The following NFIB variants were observed in gnomAD, a reference collection of about 807,000 sequenced individuals.
NFIB encodes the protein nuclear factor 1 B-type.
In NFIB, 11 loss-of-function variants were observed where a neutral mutation model predicts 61.5. That is an observed-to-expected ratio of 0.18 (90% CI 0.11 to 0.30). The LOEUF (loss-of-function observed/expected upper bound fraction) is 0.30, where lower values mean the gene tolerates loss of function less well. Among genes scored for constraint, NFIB ranks in the 10% least tolerant of loss-of-function variants. NFIB has a pLI of 1.00. For missense variants in NFIB, 471 were observed against 608.9 expected (o/e 0.77, Z 2.38); for synonymous variants, 260 against 216.5 (o/e 1.20, Z -1.76).
chr9:14,141,190 T>C (rs988965036), intron 6 of NFIB, among the ~76,000 whole-genome samples: 1 of 152,112 alleles, frequency 6.6e-6, no homozygotes, highest in African/African-American at 2.4e-5. Context: ...TTATCAAAAA[T>C]AAATCTCTAG....
At chr9:14,345,646 C>T (rs1027857918) in intron 1 of NFIB, among the ~76,000 whole-genome samples, 5 of 152,122 alleles carry the variant, frequency 3.3e-5, no homozygotes, top group African/African-American at 1.2e-4. Context: ...GAGCGGGCAG[C>T]GGCTAGCTCT....
intron 8 of NFIB, among the ~76,000 whole-genome samples, chr9:14,119,893 CA>C (rs1044979866): frequency 2.6e-5 from 4 of 151,270 alleles, no homozygotes; most frequent in African/African-American, 9.7e-5. Context: ...ACAATGTTTC[CA>C]AAAAAAAGAA....
At position 14,220,855 on chromosome 9, in the gene NFIB, A is replaced by C. The variant is rs1277640991; in HGVS notation, c.563-41075T>G. ...AATCAATCTCCCTACACACACACAC[A>C]CACACACACACACACACACACACAC... On this transcript the variant is annotated intron_variant, in intron 2 of 10. Coordinates refer to ENST00000380953, the MANE Select transcript of NFIB (RefSeq NM_001190737.2). Among the ~76,000 whole-genome samples, 4 of 149,498 alleles carry C rather than the reference A, an allele frequency of 2.7e-5. No individual in the cohort carries two copies. In the East Asian group the frequency reaches 6.2e-4, roughly 23 times the overall value.
intron 2 of NFIB, among the ~76,000 whole-genome samples, chr9:14,227,252 T>A (rs2052549601): frequency 6.6e-6 from 1 of 152,214 alleles, no homozygotes; most frequent in Admixed American, 6.5e-5. Context: ...GTTGAAAGAT[T>A]TCTGCCACCT....
chr9:14,335,444 C>T (rs1014364319), intron 1 of NFIB, among the ~76,000 whole-genome samples: 3 of 152,154 alleles, frequency 2.0e-5, no homozygotes, highest in African/African-American at 7.2e-5. Context: ...TAAATAATAG[C>T]GTTGAACATC....
chr9:14,308,315 G>T (rs987626179), intron 1 of NFIB, among the ~76,000 whole-genome samples: 1 of 143,940 alleles, frequency 6.9e-6, no homozygotes. Flanking sequence ...CACTACCAAC[G>T]CCAGCTCCCA....
At chr9:14,304,465 A>C (rs1464985006) in intron 2 of NFIB, among the ~76,000 whole-genome samples, 2 of 152,242 alleles carry the variant, frequency 1.3e-5, no homozygotes, top group African/African-American at 4.8e-5. Flanking sequence ...CCAACTAACA[A>C]ATCACAGGCA....
intron 4 of NFIB, among the ~76,000 whole-genome samples, chr9:14,150,555 C>T (rs150510322): frequency 6.6e-6 from 1 of 152,214 alleles, no homozygotes; most frequent in African/African-American, 2.4e-5. Flanking sequence ...GTTGACATTA[C>T]ATCTGTCACT....
At position 14,123,853 on chromosome 9, in the gene NFIB, CT is replaced by C. The variant is rs200619073; in HGVS notation, c.1060+1778del. Among the ~76,000 whole-genome samples, 1,010 of 152,106 alleles carry C rather than the reference CT, an allele frequency of 6.6e-3. 11 individuals are homozygous for C. Among genetic ancestry groups the C allele is most frequent in the Middle Eastern group, 0.041 (12 of 294 alleles). Reference sequence around the variant, plus strand: ...TGCCCCTCTGCCTCCCACATTGCCCCTCTTCCTCCTAGTATGTCCCTCTGCC... The same window carrying C: ...TGCCCCTCTGCCTCCCACATTGCCCCCTTCCTCCTAGTATGTCCCTCTGCC... On this transcript the variant is annotated intron_variant, in intron 7 of 10. Coordinates refer to ENST00000380953, the MANE Select transcript of NFIB (RefSeq NM_001190737.2).
At chr9:14,333,300 C>T (rs763442258) in intron 1 of NFIB, among the ~76,000 whole-genome samples, 2 of 152,082 alleles carry the variant, frequency 1.3e-5, no homozygotes, top group Admixed American at 6.5e-5. Flanking sequence ...AATAAATCAC[C>T]CAAGGTCAAT....
chr9:14,097,737 G>C (rs947110236), intron 10 of NFIB, among the ~76,000 whole-genome samples: 20 of 151,954 alleles, frequency 1.3e-4, no homozygotes, highest in African/African-American at 4.4e-4. Context: ...TCATTCTTTT[G>C]AGAGCATACA....
intron 2 of NFIB, among the ~76,000 whole-genome samples, chr9:14,211,734 G>A (rs2050326863): frequency 6.6e-6 from 1 of 152,192 alleles, no homozygotes; most frequent in African/African-American, 2.4e-5. Flanking sequence ...CAGCTGGTGG[G>A]CCCCTCCACG....
At chr9:14,117,479 G>A (rs1246225544) in intron 8 of NFIB, among the ~76,000 whole-genome samples, 5 of 151,236 alleles carry the variant, frequency 3.3e-5, no homozygotes, top group African/African-American at 1.2e-4. Context: ...TTTATAATCT[G>A]AACTGTTAAA....
rs114465475 is a variant in NFIB, at chr9:14,260,305, T to C, written c.562+46684A>G. ...CTGTAATGCAGAGGCTGAATATGTA[T>C]AAATGCAGAGGCCCAATCCAAGCAC... On this transcript the variant is annotated intron_variant, in intron 2 of 10. Coordinates refer to ENST00000380953, the MANE Select transcript of NFIB (RefSeq NM_001190737.2). 7.0e-3 allele frequency among the ~76,000 whole-genome samples: 1,064 copies of C among 152,248 alleles called. 16 individuals are homozygous for C. The highest frequency in any genetic ancestry group is 0.023 in the African/African-American group (974 of 41,540).
chr9:14,129,931 C>T (rs1479461515), intron 6 of NFIB, among the ~76,000 whole-genome samples: 1 of 152,106 alleles, frequency 6.6e-6, no homozygotes, highest in Non-Finnish European at 1.5e-5. Context: ...GGGAGGGAGG[C>T]AGGAGTTGCT....
the NFIB span, among the ~76,000 whole-genome samples, chr9:14,521,042 T>C: frequency 6.6e-6 from 1 of 152,066 alleles, no homozygotes; most frequent in African/African-American, 2.4e-5. Flanking sequence ...GACAAGAAAA[T>C]GAGGCTGAAC....
chr9:14,497,933 A>G, the NFIB span, among the ~76,000 whole-genome samples: 23 of 152,342 alleles, frequency 1.5e-4, no homozygotes, highest in African/African-American at 5.1e-4. Flanking sequence ...TCAGAGATGG[A>G]GGAAGTACCA....
intron 2 of NFIB, among the ~76,000 whole-genome samples, chr9:14,212,877 G>C (rs976835977): frequency 1.3e-5 from 2 of 152,158 alleles, no homozygotes; most frequent in Non-Finnish European, 2.9e-5. Flanking sequence ...GGCTCACAGA[G>C]ATTAAATGTT....
chr9:14,255,384 G>T (rs1217130395), intron 2 of NFIB, among the ~76,000 whole-genome samples: 1 of 152,174 alleles, frequency 6.6e-6, no homozygotes, highest in Non-Finnish European at 1.5e-5. Flanking sequence ...ATCACCTGGG[G>T]ATTAAATCTC....
Sources: allele counts gnomAD v4.1 joint callset (sites outside exome capture counted in the v4.1 genomes callset), GRCh38; gene constraint gnomAD v4.1.1; transcripts MANE v1.5; gene names NCBI Gene and HGNC (gene_info 2026-07-23, HGNC 2026-07-21).